Variants in TOGARAM1 observed in about 807,000 individuals in gnomAD.
The protein encoded by TOGARAM1 is TOG array regulator of axonemal microtubules protein 1.
A neutral mutation model predicts 166.6 loss-of-function variants in TOGARAM1; 100 were observed. The observed-to-expected ratio is 0.60, with a 90% CI of 0.51 to 0.71. The LOEUF (loss-of-function observed/expected upper bound fraction) is 0.71. Ranked by LOEUF, TOGARAM1 falls within the 30% of genes least tolerant of loss-of-function variation. The pLI, the probability that TOGARAM1 is intolerant of heterozygous loss-of-function variation, is 0.00. For synonymous variants in TOGARAM1, 758 were observed against 763.8 expected, an observed-to-expected ratio of 0.99 and a Z score of 0.13; for missense variants, 2,029 against 2,102.7, an observed-to-expected ratio of 0.96 and a Z score of 0.69.
chr14:45,063,479 G>GTTTTTTTTTTTTTTTTTTTT (rs373702236), intron 16 of TOGARAM1, among the ~76,000 whole-genome samples: 100 of 118,676 alleles, frequency 8.4e-4, no homozygotes, highest in Non-Finnish European at 1.4e-3. Flanking sequence ...ATTTGACAAA[G>GTTTTTTTTTTTTTTTTTTTT]TTTTTTTTTT....
chr14:44,996,051 A>C (rs1887396521), intron 2 of TOGARAM1, 149 bp downstream of exon 2: 1 of 535,034 alleles, frequency 1.9e-6, no homozygotes, highest in Admixed American at 3.9e-5. Flanking sequence ...ATGGACACTT[A>C]GACATTATTA....
chr14:45,020,822 T>C (rs1880457083), intron 7 of TOGARAM1, among the ~76,000 whole-genome samples: 1 of 152,164 alleles, frequency 6.6e-6, no homozygotes, highest in Non-Finnish European at 1.5e-5. Context: ...TATTTCCAGA[T>C]TGGAAACAAG....
chr14:44,997,005 GTATCA>G (rs1887444561), intron 2 of TOGARAM1: 1 of 152,262 alleles, frequency 6.6e-6, no homozygotes, highest in Non-Finnish European at 1.5e-5. Flanking sequence ...AAGCCAAACT[GTATCA>G]GAGAGCAAGG....
chr14:45,024,527 A>T (rs1880713658), intron 7 of TOGARAM1, among the ~76,000 whole-genome samples: 1 of 152,200 alleles, frequency 6.6e-6, no homozygotes, highest in African/African-American at 2.4e-5. Flanking sequence ...CTCATTGGAG[A>T]TAACATGTCT....
Position 45,045,543 on chromosome 14 carries a change from GTATA to G in TOGARAM1, c.4154+711_4154+714del, listed in dbSNP as rs375962126. On this transcript the variant is annotated intron_variant, in intron 13 of 19. Transcript: ENST00000361462. ...GAGTAGTATTCCATGGTCTGTGTGTGTATATATATATATATATATATATATATAT... is the reference window on the plus strand; with the variant it reads ...GAGTAGTATTCCATGGTCTGTGTGTGTATATATATATATATATATATATAT... 8.5e-4 allele frequency among the ~76,000 whole-genome samples: 33 copies of G among 38,898 alleles called. 1 individual carries two copies. The highest frequency in any genetic ancestry group is 1.6e-3 in the Admixed American group (4 of 2,486). 25.5% of individuals were successfully genotyped at this position (38,898 alleles called of 152,430 possible).
intron 16 of TOGARAM1, among the ~76,000 whole-genome samples, chr14:45,057,924 G>T (rs1188823436): frequency 6.6e-6 from 1 of 152,046 alleles, no homozygotes; most frequent in Non-Finnish European, 1.5e-5. Flanking sequence ...GCAGTTTTGG[G>T]GTCAAATGTT....
At chr14:44,976,477 C>T (rs1372437709) in intron 1 of TOGARAM1, among the ~76,000 whole-genome samples, 1 of 152,126 alleles carries the variant, frequency 6.6e-6, no homozygotes, top group Admixed American at 6.5e-5. Context: ...TCTTATTTCC[C>T]ACTATACTCT....
At chr14:45,065,726 G>C (rs1216617056) in intron 16 of TOGARAM1, among the ~76,000 whole-genome samples, 1 of 152,196 alleles carries the variant, frequency 6.6e-6, no homozygotes, top group East Asian at 1.9e-4. Flanking sequence ...TGCTTAGAGA[G>C]ATTGCCCATT....
At chr14:45,021,754 G>T (rs1880527025) in intron 7 of TOGARAM1, among the ~76,000 whole-genome samples, 1 of 152,162 alleles carries the variant, frequency 6.6e-6, no homozygotes, top group Admixed American at 6.6e-5. Context: ...GAAGGAAGGG[G>T]CTTGACTAAT....
chr14:45,071,808 T>C lies in TOGARAM1; in HGVS notation c.5056+10T>C, dbSNP rs1396987012. 6 of 1,584,862 alleles carry C rather than the reference T, an allele frequency of 3.8e-6. No individual in the cohort carries two copies. Among genetic ancestry groups the C allele is most frequent in the East Asian group, 2.2e-5 (1 of 44,656 alleles). ...ACGGAAAAGCTTGCTGGTAAATACT[T>C]TGTAATTTCTAAAGAAATATTTTAT... On this transcript the variant is annotated intron_variant, in intron 19 of 19. Transcript: ENST00000361462.
In TOGARAM1 at chr14:45,039,734, G is replaced by A. The variant is rs545617161; in HGVS notation, c.3813-3952G>A. 2.6e-5 allele frequency among the ~76,000 whole-genome samples: 4 copies of A among 152,308 alleles called. No individual in the cohort carries two copies. The South Asian group carries it at 6.2e-4, about 24-fold the overall frequency. On this transcript the variant is annotated intron_variant, in intron 11 of 19. Coordinates refer to ENST00000361462, the MANE Select transcript of TOGARAM1 (RefSeq NM_001308120.2). ...ACTTCTGAGCCTGTGGGGGGCAGGG[G>A]GGTTTCCAGGGCCCCTGAGAACACA...
chr14:44,986,973 C>A (rs1426763521), intron 1 of TOGARAM1, among the ~76,000 whole-genome samples: 1 of 148,938 alleles, frequency 6.7e-6, no homozygotes, highest in East Asian at 2.0e-4. Flanking sequence ...CCACTGCACT[C>A]CAGCCTGGGC....
intron 7 of TOGARAM1, chr14:45,022,944 C>G (rs1388138632): frequency 6.6e-6 from 1 of 152,140 alleles, no homozygotes; most frequent in Non-Finnish European, 1.5e-5. Context: ...CCCTTTCTCT[C>G]CATATTGCTG....
intron 2 of TOGARAM1, chr14:44,996,770 G>A (rs567981856): frequency 2.6e-5 from 4 of 152,424 alleles, no homozygotes; most frequent in East Asian, 3.9e-4. Flanking sequence ...CAATCATGGC[G>A]TAAGGCGAAG....
intron 8 of TOGARAM1, 134 bp from the exon 9 acceptor site, chr14:45,027,165 A>G (rs910033461): frequency 4.4e-5 from 35 of 790,116 alleles, no homozygotes; most frequent in Non-Finnish European, 6.6e-5. Context: ...TTTATATTTT[A>G]TAATTATTTA....
At chr14:45,013,493 A>G (rs1255943681) in intron 7 of TOGARAM1, among the ~76,000 whole-genome samples, 1 of 152,216 alleles carries the variant, frequency 6.6e-6, no homozygotes, top group Non-Finnish European at 1.5e-5. Context: ...CTAGGCATAC[A>G]AAGACAGTAT....
At chr14:44,989,998 G>C (rs1455790426) in intron 1 of TOGARAM1, among the ~76,000 whole-genome samples, 1 of 152,162 alleles carries the variant, frequency 6.6e-6, no homozygotes, top group Non-Finnish European at 1.5e-5. Context: ...CAGGCCTCAT[G>C]AGAATTCACT....
intron 8 of TOGARAM1, 125 bp from the exon 9 acceptor site, chr14:45,027,174 T>C: frequency 1.2e-6 from 1 of 844,336 alleles, no homozygotes; most frequent in Non-Finnish European, 1.9e-6. Context: ...TATAATTATT[T>C]AGCATGTTTT....
At chr14:45,017,263 A>G (rs1880202368) in intron 7 of TOGARAM1, among the ~76,000 whole-genome samples, 1 of 152,070 alleles carries the variant, frequency 6.6e-6, no homozygotes, top group African/African-American at 2.4e-5. Flanking sequence ...AATTTTGCCA[A>G]ATAGGAGAAC....
Sources: allele counts gnomAD v4.1 joint callset (sites outside exome capture counted in the v4.1 genomes callset), GRCh38; gene constraint gnomAD v4.1.1; transcripts MANE v1.5; gene names NCBI Gene and HGNC (gene_info 2026-07-23, HGNC 2026-07-21).